The following GPC5 variants were observed in gnomAD, a reference collection of about 807,000 sequenced individuals.
GPC5 encodes the protein glypican 5.
GPC5 carries 47 observed loss-of-function variants against 53.9 expected under a neutral mutation model. That is an observed-to-expected ratio of 0.87 (90% confidence interval 0.69 to 1.11). The LOEUF (loss-of-function observed/expected upper bound fraction) is 1.11. Among genes scored for constraint, GPC5 ranks in the 50% most tolerant of loss-of-function variants. GPC5 has a pLI of 0.00. For synonymous variants in GPC5, 286 were observed against 263.3 expected (o/e 1.09, Z -0.84); for missense variants, 748 against 713.1 (o/e 1.05, Z -0.56).
At chr13:91,932,691 A>G (rs890747622) in intron 6 of GPC5, among the ~76,000 whole-genome samples, 6 of 151,924 alleles carry the variant, frequency 3.9e-5, no homozygotes, top group Non-Finnish European at 7.4e-5. Context: ...CCTCCAATGC[A>G]TGCCTTTTTC....
intron 2 of GPC5, among the ~76,000 whole-genome samples, chr13:91,627,828 C>T (rs182283289): frequency 3.9e-5 from 6 of 152,166 alleles, no homozygotes; most frequent in African/African-American, 1.4e-4. Flanking sequence ...ACTGTAATAA[C>T]ATATTATGTT....
At chr13:92,257,885 G>C (rs368688456) in intron 7 of GPC5, among the ~76,000 whole-genome samples, 5 of 151,942 alleles carry the variant, frequency 3.3e-5, no homozygotes, top group African/African-American at 9.7e-5. Context: ...TTTGAGTTGC[G>C]GAACTCATGA....
chr13:92,049,120 T>C (rs534145511), intron 6 of GPC5, among the ~76,000 whole-genome samples: 4 of 152,266 alleles, frequency 2.6e-5, no homozygotes, highest in African/African-American at 9.6e-5. Context: ...GGATAGCTTA[T>C]TAATAATCAA....
intron 7 of GPC5, among the ~76,000 whole-genome samples, chr13:92,765,871 A>C (rs1433308555): frequency 3.3e-5 from 5 of 151,926 alleles, no homozygotes; most frequent in African/African-American, 2.4e-5. Flanking sequence ...TTATATAGAA[A>C]GAAAATAAAT....
At chr13:91,992,169 C>T (rs79144830) in intron 6 of GPC5, among the ~76,000 whole-genome samples, 3,949 of 152,126 alleles carry the variant, frequency 0.026, 173 homozygotes, top group African/African-American at 0.09. Context: ...GTAGCAGGGA[C>T]TATAGGTGCA....
rs184832152 is a variant in GPC5 at position 91,616,428 on chromosome 13, C to T, written c.326-76759C>T. 1.3e-3 allele frequency among the ~76,000 whole-genome samples: 200 copies of T among 152,178 alleles called. 1 individual carries two copies. Among genetic ancestry groups the T allele is most frequent in the Non-Finnish European group, 2.2e-3 (148 of 67,982 alleles). On this transcript the variant is annotated intron_variant, in intron 2 of 7. Coordinates refer to ENST00000377067, the MANE Select transcript of GPC5 (RefSeq NM_004466.6). ...TGTCTATGAACTATGGGTTGATGAA[C>T]TATGGCATAACCTCAGAAAGCCTGG...
intron 7 of GPC5, among the ~76,000 whole-genome samples, chr13:92,854,494 T>C (rs1016576053): frequency 2.6e-5 from 4 of 151,462 alleles, no homozygotes; most frequent in Admixed American, 2.0e-4. Flanking sequence ...CAGATAAAAA[T>C]AAAAATATCA....
intron 5 of GPC5, among the ~76,000 whole-genome samples, chr13:91,761,410 C>T (rs949355717): frequency 6.6e-6 from 1 of 152,004 alleles, no homozygotes; most frequent in African/African-American, 2.4e-5. Context: ...AGATGAGTGT[C>T]CTCCAATTCA....
At chr13:91,554,253 A>C (rs2030812927) in intron 2 of GPC5, among the ~76,000 whole-genome samples, 1 of 152,100 alleles carries the variant, frequency 6.6e-6, no homozygotes, top group Non-Finnish European at 1.5e-5. Context: ...ACATAGACAC[A>C]CACACACCCC....
chr13:91,857,751 A>G (rs904317069), intron 5 of GPC5, among the ~76,000 whole-genome samples: 2 of 151,328 alleles, frequency 1.3e-5, no homozygotes, highest in Non-Finnish European at 3.0e-5. Context: ...CATTTGATGT[A>G]TGATTATGTA....
At chr13:92,375,495 G>A (rs1250008698) in intron 7 of GPC5, among the ~76,000 whole-genome samples, 1 of 152,154 alleles carries the variant, frequency 6.6e-6, no homozygotes, top group Non-Finnish European at 1.5e-5. Context: ...ATGGAGAATA[G>A]AAGCTGGATA....
rs1176521405 is a variant in GPC5, at chr13:91,908,767, A to G, written c.1401+710A>G. Among the ~76,000 whole-genome samples, 4 of 148,768 alleles carry G rather than the reference A, an allele frequency of 2.7e-5. No homozygotes were observed. The Admixed American group carries it at 2.7e-4, about 10-fold the overall frequency. On this transcript the variant is annotated intron_variant, in intron 6 of 7. Transcript: ENST00000377067. ...ATTGATGTTTGGGGTAAGAAAGGCTATTTTTTTTTTAGTTATTAGTCATTT... is the reference window on the plus strand; with the variant it reads ...ATTGATGTTTGGGGTAAGAAAGGCTGTTTTTTTTTTAGTTATTAGTCATTT...
intron 7 of GPC5, among the ~76,000 whole-genome samples, chr13:92,650,077 A>G (rs987354621): frequency 3.3e-5 from 5 of 152,062 alleles, no homozygotes; most frequent in African/African-American, 9.7e-5. Context: ...GTAAGATTTT[A>G]CTTTCAATGT....
chr13:92,268,428 T>A (rs1460672673), intron 7 of GPC5, among the ~76,000 whole-genome samples: 4 of 152,142 alleles, frequency 2.6e-5, no homozygotes, highest in African/African-American at 9.6e-5. Context: ...ATACAGTTTT[T>A]AAATCAGATT....
At chr13:92,603,911 T>C (rs1884166521) in intron 7 of GPC5, among the ~76,000 whole-genome samples, 1 of 152,132 alleles carries the variant, frequency 6.6e-6, no homozygotes, top group Non-Finnish European at 1.5e-5. Flanking sequence ...GGGGACCAGG[T>C]CTGGAAGTTG....
chr13:91,440,460 CT>C (rs776403993), intron 1 of GPC5, among the ~76,000 whole-genome samples: 10 of 152,034 alleles, frequency 6.6e-5, no homozygotes, highest in East Asian at 5.8e-4. Flanking sequence ...CCATTTTGTT[CT>C]TTTTCCTGCG....
In GPC5 at chr13:91,975,245, G is replaced by A. The variant is rs912295545; in HGVS notation, c.1401+67188G>A. 1.1e-3 allele frequency among the ~76,000 whole-genome samples: 168 copies of A among 152,186 alleles called. 1 individual carries two copies. The highest frequency in any genetic ancestry group is 3.8e-3 in the African/African-American group (159 of 41,508). The stretch of plus-strand genomic sequence containing the variant: ...CATGTCTAAAACACCAAAAGCAATG[G>A]CAACAAAAGCCAAAATTGACAAATG... On this transcript the variant is annotated intron_variant, in intron 6 of 7. Coordinates refer to ENST00000377067, the MANE Select transcript of GPC5 (RefSeq NM_004466.6).
At chr13:92,447,839 C>G (rs1877892380) in intron 7 of GPC5, 1 of 152,116 alleles carries the variant, frequency 6.6e-6, no homozygotes, top group Non-Finnish European at 1.5e-5. Context: ...AATTAGTCAT[C>G]TAACTATGTA....
intron 7 of GPC5, among the ~76,000 whole-genome samples, chr13:92,334,128 C>T (rs1470455298): frequency 6.6e-6 from 1 of 152,076 alleles, no homozygotes; most frequent in Non-Finnish European, 1.5e-5. Flanking sequence ...CATTTTCATA[C>T]TGCTATGAAG....
Sources: allele counts gnomAD v4.1 joint callset (sites outside exome capture counted in the v4.1 genomes callset), GRCh38; gene constraint gnomAD v4.1.1; transcripts MANE v1.5; gene names NCBI Gene and HGNC (gene_info 2026-07-23, HGNC 2026-07-21).